Variants in NLGN1 observed in about 807,000 individuals in gnomAD.
NLGN1 encodes neuroligin 1, also known as neuroligin-1.
In NLGN1, 12 loss-of-function variants were observed where a neutral mutation model predicts 65.5. The observed-to-expected ratio is 0.18, with a 90% CI of 0.12 to 0.30. NLGN1 has a LOEUF of 0.30. Among genes scored for constraint, NLGN1 ranks in the 10% least tolerant of loss-of-function variants. The probability of loss-of-function intolerance (pLI) is 1.00; values close to 1 mark genes in which losing one functional copy is unlikely to be tolerated. For synonymous variants in NLGN1, 350 were observed against 359.5 expected, an observed-to-expected ratio of 0.97 and a Z score of 0.30; for missense variants, 750 against 1,007.1, an observed-to-expected ratio of 0.74 and a Z score of 3.46.
At chr3:174,051,819 T>C (rs1310787558) in intron 4 of NLGN1, among the ~76,000 whole-genome samples, 1 of 152,026 alleles carries the variant, frequency 6.6e-6, no homozygotes, top group Non-Finnish European at 1.5e-5. Context: ...GAGAAAAGTA[T>C]ATCCCTCACA....
chr3:173,531,907 T>C (rs1470954358), intron 2 of NLGN1, among the ~76,000 whole-genome samples: 1 of 152,126 alleles, frequency 6.6e-6, no homozygotes, highest in Non-Finnish European at 1.5e-5. Flanking sequence ...GACCCACAAA[T>C]GGCTGTTTTC....
chr3:173,482,413 G>A (rs1727446588), intron 2 of NLGN1, among the ~76,000 whole-genome samples: 1 of 151,290 alleles, frequency 6.6e-6, no homozygotes, highest in Non-Finnish European at 1.5e-5. Flanking sequence ...TCAGGTTTTG[G>A]TACTCTCAAA....
intron 4 of NLGN1, among the ~76,000 whole-genome samples, chr3:174,035,939 C>A (rs1034861925): frequency 6.6e-6 from 1 of 152,082 alleles, no homozygotes; most frequent in Admixed American, 6.5e-5. Flanking sequence ...GCACGACCAA[C>A]CTTATACATT....
At chr3:173,816,677 G>C (rs1024593092) in intron 4 of NLGN1, among the ~76,000 whole-genome samples, 2 of 152,174 alleles carry the variant, frequency 1.3e-5, no homozygotes, top group African/African-American at 4.8e-5. Flanking sequence ...GTCCTGGCCT[G>C]CATTTCTTAG....
At chr3:173,446,113 G>C (rs1010204525) in intron 2 of NLGN1, among the ~76,000 whole-genome samples, 4 of 148,602 alleles carry the variant, frequency 2.7e-5, no homozygotes, top group African/African-American at 7.5e-5. Context: ...TGTGCACAAC[G>C]TGCAGGTTTG....
At chr3:173,529,728 A>G (rs1188654338) in intron 2 of NLGN1, among the ~76,000 whole-genome samples, 3 of 152,134 alleles carry the variant, frequency 2.0e-5, no homozygotes, top group Non-Finnish European at 4.4e-5. Context: ...GTTCCACCCA[A>G]TAAAGACGGC....
intron 3 of NLGN1, among the ~76,000 whole-genome samples, chr3:173,700,864 G>A (rs933586451): frequency 2.0e-5 from 3 of 152,182 alleles, no homozygotes; most frequent in Non-Finnish European, 2.9e-5. Flanking sequence ...GGTGGCTCAA[G>A]CCTGTAATCC....
At chr3:173,793,545 T>C (rs904805746) in intron 3 of NLGN1, among the ~76,000 whole-genome samples, 2 of 152,138 alleles carry the variant, frequency 1.3e-5, no homozygotes, top group African/African-American at 4.8e-5. Context: ...ATAAGATCAA[T>C]TAAAATATGT....
At chr3:173,954,803 A>G (rs1237682010) in intron 4 of NLGN1, among the ~76,000 whole-genome samples, 2 of 152,208 alleles carry the variant, frequency 1.3e-5, no homozygotes, top group African/African-American at 4.8e-5. Flanking sequence ...AAATAGCAAC[A>G]TAAACATACA....
intron 2 of NLGN1, among the ~76,000 whole-genome samples, chr3:173,482,995 A>G (rs13326669): frequency 0.013 from 2,006 of 152,086 alleles, 45 homozygotes; most frequent in African/African-American, 0.046. Flanking sequence ...CAGTGGTAGA[A>G]TTTAGAGAAG....
chr3:174,174,557 C>T (rs796579485), intron 4 of NLGN1, among the ~76,000 whole-genome samples: 33 of 151,800 alleles, frequency 2.2e-4, no homozygotes, highest in Admixed American at 1.4e-3. Flanking sequence ...GGTTTTGATT[C>T]GCATTTCCCT....
intron 1 of NLGN1, chr3:173,398,503 A>T (rs1403830246): frequency 1.3e-5 from 2 of 152,180 alleles, no homozygotes; most frequent in African/African-American, 4.8e-5. Flanking sequence ...TAGAAATGAA[A>T]AACCACCTGA....
At chr3:173,613,984 T>C (rs1340244925) in intron 3 of NLGN1, among the ~76,000 whole-genome samples, 1 of 145,436 alleles carries the variant, frequency 6.9e-6, no homozygotes, top group East Asian at 2.0e-4. Context: ...CTTCTTCTTC[T>C]TTTTTTTTTC....
Position 173,726,302 on chromosome 3 carries a change from G to A in NLGN1, c.494-81378G>A, listed in dbSNP as rs192714138. Among the ~76,000 whole-genome samples the A allele has an allele frequency of 1.1e-4, 16 of 151,974 alleles. No individual in the cohort carries two copies. In the East Asian group the frequency reaches 2.7e-3, roughly 26 times the overall value. On this transcript the variant is annotated intron_variant, in intron 3 of 6. Coordinates refer to ENST00000457714, the Ensembl canonical transcript of NLGN1. The stretch of plus-strand genomic sequence containing the variant: ...TTATGAAATAAGAAATCATAGAACA[G>A]GGGTAAGAAGACATGAGCACTATTC...
chr3:173,870,259 A>G (rs1247887756), intron 4 of NLGN1, among the ~76,000 whole-genome samples: 2 of 152,228 alleles, frequency 1.3e-5, no homozygotes, highest in African/African-American at 2.4e-5. Flanking sequence ...ATTCATTTAC[A>G]TATATTTCCT....
chr3:174,195,294 T>C (rs529145181), intron 4 of NLGN1, among the ~76,000 whole-genome samples: 3 of 152,364 alleles, frequency 2.0e-5, no homozygotes, highest in African/African-American at 7.2e-5. Flanking sequence ...CAAGCAAGTT[T>C]AAGATCTCTA....
chr3:173,886,706 A>C (rs891719017), intron 4 of NLGN1, among the ~76,000 whole-genome samples: 2 of 152,132 alleles, frequency 1.3e-5, no homozygotes, highest in African/African-American at 4.8e-5. Context: ...GAAATATGTC[A>C]GTCATAAAAT....
In NLGN1 at chr3:173,932,957, T is replaced by A. The variant is rs1744377750; in HGVS notation, c.646+125125T>A. Among the ~76,000 whole-genome samples, 5 of 152,076 alleles carry A rather than the reference T, an allele frequency of 3.3e-5. No individual in the cohort carries two copies. In the South Asian group the frequency reaches 1.0e-3, roughly 31 times the overall value. On this transcript the variant is annotated intron_variant, in intron 4 of 6. Transcript: ENST00000457714. ...ATAAGCCATCTGAAATTAAGAAATA[T>A]TAATTTATGTATAAAGGTAATGGGG...
At position 174,228,699 on chromosome 3, in the gene NLGN1, T is replaced by TG. The variant is rs544556834; in HGVS notation, c.647-46615dup. Among the ~76,000 whole-genome samples, 923 of 152,228 alleles carry TG rather than the reference T, an allele frequency of 6.1e-3. 10 individuals carry two copies. Among genetic ancestry groups the TG allele is most frequent in the African/African-American group, 0.021 (868 of 41,568 alleles). On this transcript the variant is annotated intron_variant, in intron 4 of 6. Coordinates refer to ENST00000457714, the Ensembl canonical transcript of NLGN1. ...TTTTATTTCAAACTACAGCAATAAA[T>TG]GTGCCCTTCCTTTTCATAACTCTTC...
Sources: gnomAD v4.1 joint callset for allele counts (sites outside exome capture counted in the v4.1 genomes callset) on GRCh38, gnomAD v4.1.1 for gene constraint, MANE v1.5 for transcripts, NCBI Gene and HGNC (gene_info 2026-07-23, HGNC 2026-07-21) for gene names.